The following DOCK8 variants were observed in gnomAD, a reference collection of about 807,000 sequenced individuals.
DOCK8 encodes the protein dedicator of cytokinesis 8, also known as dedicator of cytokinesis protein 8.
In DOCK8, 141 loss-of-function variants were observed where a neutral mutation model predicts 245.6. The observed-to-expected ratio is 0.57, with a 90% CI of 0.50 to 0.66. The LOEUF is 0.66. DOCK8 is among the 30% of genes least tolerant of loss of function. The pLI is 0.00. For synonymous variants in DOCK8, 1,168 were observed against 970.2 expected (o/e 1.20, Z -3.79); for missense variants, 2,965 against 2,603.4 (o/e 1.14, Z -3.02).
At chr9:461,866 T>C (rs2057816041) in intron 46 of DOCK8, among the ~76,000 whole-genome samples, 1 of 152,058 alleles carries the variant, frequency 6.6e-6, no homozygotes, top group African/African-American at 2.4e-5. Context: ...TTCTTTTTTC[T>C]AGAAGTTCTG....
intron 38 of DOCK8, 34 bp downstream of exon 38, chr9:434,009 T>G (rs1271741477): frequency 6.7e-7 from 1 of 1,495,176 alleles, no homozygotes. Flanking sequence ...GGGACACCAT[T>G]TGGGGGTCGA....
intron 28 of DOCK8, among the ~76,000 whole-genome samples, chr9:407,701 A>T (rs2055504370): frequency 6.6e-6 from 1 of 152,222 alleles, no homozygotes; most frequent in Non-Finnish European, 1.5e-5. Flanking sequence ...AGAAACCCAC[A>T]GCCTATCTGA....
intron 14 of DOCK8, among the ~76,000 whole-genome samples, chr9:354,539 G>T (rs2052333018): frequency 6.6e-6 from 1 of 152,224 alleles, no homozygotes; most frequent in African/African-American, 2.4e-5. Flanking sequence ...ACAAGTTTAT[G>T]TAGGTTACGC....
At chr9:255,207 T>C (rs965969976) in intron 1 of DOCK8, among the ~76,000 whole-genome samples, 1 of 152,222 alleles carries the variant, frequency 6.6e-6, no homozygotes, top group Non-Finnish European at 1.5e-5. Context: ...TTGAGTATTC[T>C]AGGAGTCTAA....
intron 43 of DOCK8, among the ~76,000 whole-genome samples, chr9:445,020 A>T (rs1319699697): frequency 6.6e-6 from 1 of 152,250 alleles, no homozygotes; most frequent in Non-Finnish European, 1.5e-5. Flanking sequence ...GAAGAGGGGA[A>T]GAATTGGCCA....
At chr9:248,392 T>G (rs2047559093) in intron 1 of DOCK8, among the ~76,000 whole-genome samples, 1 of 152,184 alleles carries the variant, frequency 6.6e-6, no homozygotes, top group African/African-American at 2.4e-5. Flanking sequence ...GGAACACCAT[T>G]TGCCTATGTC....
At chr9:362,070 GC>G (rs2052756436) in intron 14 of DOCK8, among the ~76,000 whole-genome samples, 1 of 152,028 alleles carries the variant, frequency 6.6e-6, no homozygotes, top group Non-Finnish European at 1.5e-5. Context: ...GATTTTTAAG[GC>G]CCTGTAAGTA....
chr9:292,896 C>A (rs2049103745), intron 4 of DOCK8, among the ~76,000 whole-genome samples: 1 of 152,184 alleles, frequency 6.6e-6, no homozygotes, highest in African/African-American at 2.4e-5. Flanking sequence ...AGCCACTTGA[C>A]TGTTGCTTCT....
intron 36 of DOCK8, 100 bp from the exon 37 acceptor site, chr9:432,066 A>T (rs2056733023): frequency 4.1e-6 from 5 of 1,230,974 alleles, no homozygotes; most frequent in Middle Eastern, 1.9e-4. Flanking sequence ...GGCAAAGGAA[A>T]CACTGAGGAG....
chr9:215,291 GA>G, intron 1 of DOCK8: 1 of 1,608,468 alleles, frequency 6.2e-7, no homozygotes, highest in Non-Finnish European at 8.5e-7. Context: ...TCCCTTCCCC[GA>G]ACAACCTCGC....
At chr9:403,171 G>A (rs2055194948) in intron 26 of DOCK8, among the ~76,000 whole-genome samples, 1 of 152,172 alleles carries the variant, frequency 6.6e-6, no homozygotes, top group Non-Finnish European at 1.5e-5. Flanking sequence ...TTACAGGTGT[G>A]AGCCACCACA....
At chr9:264,123 A>G (rs879454653) in intron 1 of DOCK8, among the ~76,000 whole-genome samples, 5 of 152,228 alleles carry the variant, frequency 3.3e-5, no homozygotes, top group African/African-American at 1.2e-4. Flanking sequence ...CTTTTCTTTA[A>G]ACACAAGACA....
chr9:375,002 T>C (rs56356766), intron 18 of DOCK8, among the ~76,000 whole-genome samples: 10,214 of 152,182 alleles, frequency 0.067, 1,133 homozygotes, highest in African/African-American at 0.23. Flanking sequence ...ATTGGTGACA[T>C]GCTGGGATAT....
At chr9:226,323 C>G (rs1053536158) in intron 1 of DOCK8, among the ~76,000 whole-genome samples, 12 of 152,074 alleles carry the variant, frequency 7.9e-5, no homozygotes, top group African/African-American at 2.9e-4. Context: ...TCAATTATCT[C>G]GCACAACATG....
At chr9:400,424 CCAT>C (rs1430197336) in intron 26 of DOCK8, among the ~76,000 whole-genome samples, 1 of 57,020 alleles carries the variant, frequency 1.8e-5, no homozygotes. Context: ...ACCACCTCCA[CCAT>C]CACCACCACC....
chr9:418,367 G>T (rs1046552078), intron 30 of DOCK8, among the ~76,000 whole-genome samples, 160 bp downstream of exon 30: 1 of 152,170 alleles, frequency 6.6e-6, no homozygotes, highest in Admixed American at 6.5e-5. Context: ...CGCCTCCCGG[G>T]TTCTTCATGC....
intron 11 of DOCK8, 112 bp downstream of exon 11, chr9:334,496 CAGA>C (rs771290230): frequency 1.2e-5 from 14 of 1,168,258 alleles, no homozygotes; most frequent in Non-Finnish European, 1.7e-5. Flanking sequence ...AGTGGGGAGG[CAGA>C]AGGAGATAAA....
intron 24 of DOCK8, among the ~76,000 whole-genome samples, chr9:393,112 AAAGAAG>A (rs1273404478): frequency 2.3e-5 from 3 of 131,768 alleles, no homozygotes; most frequent in East Asian, 1.9e-4. Context: ...AAAAAAAAAA[AAAGAAG>A]AAGAAGAAGA....
chr9:420,221 C>G (rs2056216847), intron 30 of DOCK8, 180 bp from the exon 31 acceptor site: 2 of 705,134 alleles, frequency 2.8e-6, no homozygotes, highest in Non-Finnish European at 4.9e-6. Flanking sequence ...AAGAACACAG[C>G]TTCCCCTGCC....
Sources: allele counts gnomAD v4.1 joint callset (sites outside exome capture counted in the v4.1 genomes callset), GRCh38; gene constraint gnomAD v4.1.1; transcripts MANE v1.5; gene names NCBI Gene and HGNC (gene_info 2026-07-23, HGNC 2026-07-21).